Variants in CACNA1A observed in about 807,000 individuals in gnomAD.
CACNA1A encodes the protein voltage-dependent P/Q-type calcium channel subunit alpha-1A.
Under a neutral mutation model 262.4 loss-of-function variants are expected in CACNA1A, and 57 were observed. The ratio of observed to expected loss-of-function variants is 0.22; its 90% CI spans 0.18 to 0.27. CACNA1A has a LOEUF of 0.27. Ranked by LOEUF, CACNA1A falls within the 10% of genes least tolerant of loss-of-function variation. CACNA1A has a pLI of 1.00. For missense variants in CACNA1A, 2,526 were observed against 3,562.8 expected (o/e 0.71, Z 7.41); for synonymous variants, 1,431 against 1,419.3 (o/e 1.01, Z -0.18).
intron 1 of CACNA1A, among the ~76,000 whole-genome samples, chr19:13,482,849 TGTG>T (rs992309632): frequency 5.7e-4 from 3 of 5,300 alleles, no homozygotes; most frequent in African/African-American, 1.4e-3. Flanking sequence ...TCTCTCAACT[TGTG>T]TGTGTGTGTG....
intron 1 of CACNA1A, among the ~76,000 whole-genome samples, chr19:13,493,811 A>C (rs1390989963): frequency 6.6e-6 from 1 of 152,250 alleles, no homozygotes; most frequent in Non-Finnish European, 1.5e-5. Flanking sequence ...CATGAATATA[A>C]TACACGTATA....
At chr19:13,218,175 C>T (rs1056217538) in intron 38 of CACNA1A, among the ~76,000 whole-genome samples, 23 of 151,636 alleles carry the variant, frequency 1.5e-4, no homozygotes, top group African/African-American at 4.8e-4. Context: ...ACTGCAACCT[C>T]GGCCTCCTAG....
At chr19:13,240,947 G>C (rs1477917761) in intron 31 of CACNA1A, among the ~76,000 whole-genome samples, 4 of 152,250 alleles carry the variant, frequency 2.6e-5, no homozygotes, top group South Asian at 4.1e-4. Flanking sequence ...TCCTCTGCCT[G>C]AGAGTCTTTG....
intron 5 of CACNA1A, among the ~76,000 whole-genome samples, chr19:13,361,367 G>A (rs866332052): frequency 6.6e-6 from 1 of 152,144 alleles, no homozygotes; most frequent in African/African-American, 2.4e-5. Flanking sequence ...AGGTATTGAT[G>A]GGGTAGGGAG....
At chr19:13,377,806 G>A (rs1433496600) in intron 3 of CACNA1A, among the ~76,000 whole-genome samples, 1 of 152,058 alleles carries the variant, frequency 6.6e-6, no homozygotes, top group Non-Finnish European at 1.5e-5. Flanking sequence ...AAAACTTTCT[G>A]AAAAGCATTC....
chr19:13,380,467 G>A (rs531671834), intron 3 of CACNA1A, among the ~76,000 whole-genome samples: 76 of 150,238 alleles, frequency 5.1e-4, no homozygotes, highest in African/African-American at 1.7e-3. Context: ...CCAACATGGC[G>A]AAACTCCATC....
intron 10 of CACNA1A, among the ~76,000 whole-genome samples, chr19:13,317,631 C>A (rs2145052978): frequency 6.6e-6 from 1 of 152,322 alleles, no homozygotes; most frequent in East Asian, 1.9e-4. Context: ...GGGAGTCACA[C>A]CACAGGGCAG....
chr19:13,400,535 C>G (rs1184867579), intron 3 of CACNA1A, among the ~76,000 whole-genome samples: 8 of 152,090 alleles, frequency 5.3e-5, no homozygotes, highest in Admixed American at 4.6e-4. Context: ...AAGAAATCTT[C>G]TATTTTTTGC....
intron 36 of CACNA1A, among the ~76,000 whole-genome samples, chr19:13,229,428 T>G (rs2055587256): frequency 6.6e-6 from 1 of 152,152 alleles, no homozygotes; most frequent in Non-Finnish European, 1.5e-5. Context: ...AGGCTTGGTG[T>G]TGGGTGGGCA....
At chr19:13,353,427 C>T (rs1432994138) in intron 6 of CACNA1A, among the ~76,000 whole-genome samples, 1 of 151,884 alleles carries the variant, frequency 6.6e-6, no homozygotes, top group African/African-American at 2.4e-5. Context: ...CCACTGCGCC[C>T]AGCACCCCCA....
rs867093404 is a variant in CACNA1A, at chr19:13,413,385, T to C, written c.539+39491A>G. Among the ~76,000 whole-genome samples the C allele has an allele frequency of 9.5e-4, 143 of 149,838 alleles. 4 individuals carry two copies. In the South Asian group the frequency reaches 0.011, roughly 12 times the overall value. ...CCTCCCAAAGTGCTGGGATTACAGG[T>C]GTGAGCCACCGTGCCCGGCCTACAA... On this transcript the variant is annotated intron_variant, in intron 3 of 46. Coordinates refer to ENST00000360228, the MANE Select transcript of CACNA1A (RefSeq NM_001127222.2).
chr19:13,231,649 C>A, intron 35 of CACNA1A, 61 bp downstream of exon 35: 2 of 1,531,432 alleles, frequency 1.3e-6, no homozygotes, highest in South Asian at 2.4e-5. Flanking sequence ...GAAACCCACT[C>A]CCCTGAAAGG....
At position 13,214,537 on chromosome 19, in the gene CACNA1A, G is replaced by T. The variant is rs2144537491; in HGVS notation, c.5803C>A (p.Gln1935Lys). ...EMMAIWPNLS[Q>K]KTLDLLVTPH... is the part of the protein sequence containing the mutation. ...GTGACCAGCAGGTCTAGCGTCTTCTGGGACAGATTGGGCCAAATCGCCATC... is the reference window on the plus strand; with the variant it reads ...GTGACCAGCAGGTCTAGCGTCTTCTTGGACAGATTGGGCCAAATCGCCATC... The change falls in exon 39 of 47, where the codon CAG (glutamine) becomes AAG (lysine). Residue 1935 changes from glutamine (Q) to lysine (K), a missense_variant. Transcript: ENST00000360228. The surrounding 1 kb of genome is among the most constrained non-coding windows in gnomAD (Gnocchi z 4.1). 6.2e-7 allele frequency: 1 copy of T among 1,613,944 alleles called. No homozygotes were observed. Among genetic ancestry groups the T allele is most frequent in the Non-Finnish European group, 8.5e-7 (1 of 1,179,834 alleles).
intron 2 of CACNA1A, among the ~76,000 whole-genome samples, chr19:13,454,867 G>A (rs1254857812): frequency 6.6e-6 from 1 of 152,140 alleles, no homozygotes; most frequent in Non-Finnish European, 1.5e-5. Context: ...GCTGCAGTGG[G>A]AGGATGGCTT....
At chr19:13,278,986 G>A (rs144297641) in intron 22 of CACNA1A, among the ~76,000 whole-genome samples, 1 of 152,252 alleles carries the variant, frequency 6.6e-6, no homozygotes, top group East Asian at 1.9e-4. Context: ...AGTGGGCACA[G>A]CCTGGTCAAA....
intron 31 of CACNA1A, among the ~76,000 whole-genome samples, chr19:13,237,911 C>T (rs994321755): frequency 3.3e-5 from 5 of 152,290 alleles, no homozygotes; most frequent in East Asian, 1.9e-4. Flanking sequence ...CTCGGCCAGG[C>T]ATGCGAAGGC....
At chr19:13,294,608 C>T (rs960391558) in intron 19 of CACNA1A, among the ~76,000 whole-genome samples, 2 of 150,968 alleles carry the variant, frequency 1.3e-5, no homozygotes, top group African/African-American at 4.9e-5. Flanking sequence ...GTGCCTCAGC[C>T]TCCTGAGTAG....
intron 3 of CACNA1A, among the ~76,000 whole-genome samples, chr19:13,417,246 C>T (rs1023959194): frequency 1.3e-5 from 2 of 152,162 alleles, no homozygotes; most frequent in Non-Finnish European, 2.9e-5. Flanking sequence ...GGAGAAGAAG[C>T]GCTGTGTTAA....
At chr19:13,479,865 T>C (rs1009017633) in intron 1 of CACNA1A, among the ~76,000 whole-genome samples, 1 of 152,178 alleles carries the variant, frequency 6.6e-6, no homozygotes, top group African/African-American at 2.4e-5. Context: ...TAATAACATA[T>C]ACTATACCAG....
Sources: gnomAD v4.1 joint callset for allele counts (sites outside exome capture counted in the v4.1 genomes callset) on GRCh38, gnomAD v4.1.1 for gene constraint, Gnocchi (gnomAD v3.1) non-coding constraint, MANE v1.5 for transcripts, NCBI Gene and HGNC (gene_info 2026-07-23, HGNC 2026-07-21) for gene names.